The following HIF3A variants were observed in gnomAD, a reference collection of about 807,000 sequenced individuals.
HIF3A encodes hypoxia inducible factor 3 subunit alpha.
Under a neutral mutation model 67.2 loss-of-function variants are expected in HIF3A, and 41 were observed. That is an observed-to-expected ratio of 0.61 (90% CI 0.48 to 0.79). HIF3A has a LOEUF of 0.79. Among genes scored for constraint, HIF3A ranks in the 30% least tolerant of loss-of-function variants. HIF3A has a pLI of 0.00. For synonymous variants in HIF3A, 356 were observed against 374.8 expected (o/e 0.95, Z 0.58); for missense variants, 855 against 898.0 (o/e 0.95, Z 0.61).
Position 46,339,766 on chromosome 19 carries a change from C to T in HIF3A, c.*144C>T. 6.0e-6 allele frequency: 3 copies of T among 500,942 alleles called. No homozygotes were observed. Among genetic ancestry groups the T allele is most frequent in the South Asian group, 7.2e-5 (2 of 27,720 alleles). 31.0% of individuals were successfully genotyped at this position (500,942 alleles called of 1,614,324 possible). ...TACCCCCTGCCCACCTCGGGCCTAC[C>T]TCAGCCCTCACCCCTCTGCCTGCTC... is the stretch of plus-strand genomic sequence containing the variant. On this transcript the variant is annotated 3_prime_UTR_variant, in exon 15 of 15. Coordinates refer to ENST00000377670, the MANE Select transcript of HIF3A (RefSeq NM_152795.4).
intron 2 of HIF3A, among the ~76,000 whole-genome samples, chr19:46,304,448 C>G (rs1968648850): frequency 1.3e-5 from 2 of 152,152 alleles, no homozygotes; most frequent in South Asian, 4.1e-4. Flanking sequence ...AGGCCCTGGT[C>G]TCTCATAATA....
intron 3 of HIF3A, among the ~76,000 whole-genome samples, chr19:46,306,142 G>T (rs1968830495): frequency 2.0e-5 from 3 of 152,182 alleles, no homozygotes; most frequent in Non-Finnish European, 4.4e-5. Context: ...AATAGGAGAA[G>T]CTGAGAGACA....
intron 8 of HIF3A, chr19:46,320,138 G>C (rs1009655602): frequency 4.2e-6 from 1 of 237,266 alleles, no homozygotes; most frequent in East Asian, 1.3e-4. Flanking sequence ...GCTGAGGCAG[G>C]AGAATCGCTT....
intron 8 of HIF3A, among the ~76,000 whole-genome samples, chr19:46,315,269 A>G (rs1462088608): frequency 1.4e-5 from 2 of 140,966 alleles, no homozygotes; most frequent in South Asian, 2.4e-4. Flanking sequence ...GTTTCACCAG[A>G]TTGGCCAGGC....
rs778386864 is a variant in HIF3A at position 46,305,312 on chromosome 19, C to T, written c.285C>T (p.Gly95=). Residue 95 remains glycine, a synonymous_variant, in exon 3 of 15, where the codon GGC becomes GGT. Coordinates refer to ENST00000377670, the MANE Select transcript of HIF3A (RefSeq NM_152795.4). The stretch of plus-strand genomic sequence containing the variant: ...CCTGCTACCTGAAGGCCCTGGAGGG[C>T]TTCGTCATGGTGCTCACCGCCGAGG... The part of the protein sequence containing the change: ...LDACYLKALE[G]FVMVLTAEGD... The T allele has an allele frequency of 1.2e-6, 2 of 1,614,144 alleles. No individual in the cohort carries two copies. Among genetic ancestry groups the T allele is most frequent in the Non-Finnish European group, 1.7e-6 (2 of 1,180,032 alleles).
intron 1 of HIF3A, chr19:46,303,618 C>A (rs774008418): frequency 6.4e-6 from 10 of 1,567,746 alleles, no homozygotes; most frequent in Non-Finnish European, 6.1e-6. Context: ...AGGGAGGGGA[C>A]AGAGCGGCCC....
At chr19:46,298,555 T>A in intron 1 of HIF3A, 2 of 1,231,464 alleles carry the variant, frequency 1.6e-6, no homozygotes, top group Non-Finnish European at 2.1e-6. Flanking sequence ...CTTCCCTTCC[T>A]CTAGCTGGGG....
At chr19:46,304,827 C>T (rs1461457188) in intron 2 of HIF3A, among the ~76,000 whole-genome samples, 1 of 150,414 alleles carries the variant, frequency 6.6e-6, no homozygotes, top group African/African-American at 2.4e-5. Context: ...GAGTTCTGTC[C>T]CTCTGGAAGG....
intron 1 of HIF3A, among the ~76,000 whole-genome samples, chr19:46,302,262 T>C (rs958202408): frequency 6.6e-6 from 1 of 151,898 alleles, no homozygotes; most frequent in Non-Finnish European, 1.5e-5. Context: ...TTCAAGTAGC[T>C]AGGACTACAA....
intron 1 of HIF3A, among the ~76,000 whole-genome samples, chr19:46,301,700 T>A (rs762305449): frequency 1.3e-4 from 19 of 151,502 alleles, no homozygotes; most frequent in Non-Finnish European, 2.4e-4. Context: ...GTGGCAGATG[T>A]CTGTAATCCC....
rs778850403 is a variant in HIF3A, at chr19:46,312,682, G to A, written c.1025+29G>A. 1.0e-5 allele frequency: 16 copies of A among 1,538,892 alleles called. No homozygotes were observed. The East Asian group carries it at 2.9e-4, about 28-fold the overall frequency. The stretch of plus-strand genomic sequence containing the variant: ...AGCAGGAGGAGGGGCTGGGGTGGCT[G>A]TGTGTGGGCCTGATCTGCATGTGTG... On this transcript the variant is annotated intron_variant, in intron 8 of 14. Transcript: ENST00000377670.
At chr19:46,307,775 G>T (rs928081991) in intron 3 of HIF3A, among the ~76,000 whole-genome samples, 2 of 151,740 alleles carry the variant, frequency 1.3e-5, no homozygotes, top group East Asian at 3.9e-4. Flanking sequence ...GAAAAAAATA[G>T]CCAGGTGTAG....
Position 46,342,068 on chromosome 19 carries a change from C to T in HIF3A, c.*2446C>T, listed in dbSNP as rs1440026954. The T allele has an allele frequency of 1.3e-5, 2 of 152,202 alleles. No homozygotes were observed. Among genetic ancestry groups the T allele is most frequent in the Non-Finnish European group, 2.9e-5 (2 of 68,066 alleles). 9.4% of individuals were successfully genotyped at this position (152,202 alleles called of 1,614,324 possible). On this transcript the variant is annotated 3_prime_UTR_variant, in exon 15 of 15. Coordinates refer to ENST00000377670, the MANE Select transcript of HIF3A (RefSeq NM_152795.4). Reference sequence around the variant, plus strand: ...ACTACACAACTTCTAGAAGGTGCCACCTCCAGGGTCCTGATTCAAGATCTG... The same window carrying T: ...ACTACACAACTTCTAGAAGGTGCCATCTCCAGGGTCCTGATTCAAGATCTG...
chr19:46,328,928 A>T (rs116735145), intron 11 of HIF3A, among the ~76,000 whole-genome samples: 220 of 152,086 alleles, frequency 1.4e-3, no homozygotes, highest in African/African-American at 5.0e-3. Context: ...TCACTATGTT[A>T]CCCAGACTGG....
chr19:46,308,606 G>A, intron 4 of HIF3A, 57 bp from the exon 5 acceptor site: 1 of 1,049,902 alleles, frequency 9.5e-7, no homozygotes, highest in Non-Finnish European at 1.4e-6. Flanking sequence ...GTGCCGGAGG[G>A]CACTGGGCCT....
chr19:46,324,853 C>CA (rs1257337134), intron 10 of HIF3A, among the ~76,000 whole-genome samples: 5 of 141,772 alleles, frequency 3.5e-5, no homozygotes, highest in East Asian at 4.1e-4. Context: ...GACTCCCTTT[C>CA]AAAAAAAAAG....
At chr19:46,311,093 C>A (rs1342671213) in intron 6 of HIF3A, among the ~76,000 whole-genome samples, 1 of 152,034 alleles carries the variant, frequency 6.6e-6, no homozygotes, top group African/African-American at 2.4e-5. Flanking sequence ...TCTTCTCTTT[C>A]TTTTTGTGTT....
chr19:46,297,998 G>A lies in HIF3A; in HGVS notation c.26+896G>A, dbSNP rs1967991742. On this transcript the variant is annotated intron_variant, in intron 1 of 14. Coordinates refer to ENST00000377670, the MANE Select transcript of HIF3A (RefSeq NM_152795.4). This position sits in a 1 kb window ranked among gnomAD's most constrained non-coding sequence, Gnocchi z 4.5. ...GGTTTCTGGGTTCACTTGCCCAGCAGGTGCAGCTCTGCTGGAACACAGGGG... is the reference window on the plus strand; with the variant it reads ...GGTTTCTGGGTTCACTTGCCCAGCAAGTGCAGCTCTGCTGGAACACAGGGG... Among the ~76,000 whole-genome samples the A allele has an allele frequency of 6.6e-6, 1 of 152,126 alleles. No homozygotes were observed. Among genetic ancestry groups the A allele is most frequent in the Admixed American group, 6.5e-5 (1 of 15,278 alleles).
At chr19:46,336,571 G>C (rs1039126220) in intron 14 of HIF3A, among the ~76,000 whole-genome samples, 5 of 152,082 alleles carry the variant, frequency 3.3e-5, no homozygotes, top group African/African-American at 1.2e-4. Flanking sequence ...GTGTTTAGTA[G>C]AGACAGAATT....
Sources: allele counts gnomAD v4.1 joint callset (sites outside exome capture counted in the v4.1 genomes callset), GRCh38; gene constraint gnomAD v4.1.1; non-coding constraint Gnocchi (gnomAD v3.1); transcripts MANE v1.5; gene names NCBI Gene and HGNC (gene_info 2026-07-23, HGNC 2026-07-21).